CBFA2T2: variants seen among roughly 807,000 people sequenced by gnomAD.
CBFA2T2 encodes the protein CBFA2/RUNX1 partner transcriptional co-repressor 2.
Under a neutral mutation model 62.2 loss-of-function variants are expected in CBFA2T2, and 11 were observed. The observed-to-expected ratio is 0.18, with a 90% CI of 0.11 to 0.29. The LOEUF (loss-of-function observed/expected upper bound fraction) is 0.29, where lower values mean the gene tolerates loss of function less well. CBFA2T2 is among the 10% of genes least tolerant of loss of function. The pLI is 1.00. For synonymous variants in CBFA2T2, 295 were observed against 287.5 expected, an observed-to-expected ratio of 1.03 and a Z score of -0.27; for missense variants, 592 against 774.1, an observed-to-expected ratio of 0.76 and a Z score of 2.79.
chr20:33,579,171 T>C (rs2013990476), intron 1 of CBFA2T2, among the ~76,000 whole-genome samples: 1 of 151,228 alleles, frequency 6.6e-6, no homozygotes. Flanking sequence ...TGGAGTGCTG[T>C]GATTACAGAC....
chr20:33,553,990 T>C (rs1243937365), intron 1 of CBFA2T2, among the ~76,000 whole-genome samples: 1 of 152,074 alleles, frequency 6.6e-6, no homozygotes, highest in Non-Finnish European at 1.5e-5. Context: ...ACATGATTCT[T>C]GATATTGATG....
At position 33,548,807 on chromosome 20, in the gene CBFA2T2, A is replaced by G. The variant is rs139683379; in HGVS notation, c.35-58149A>G. On this transcript the variant is annotated intron_variant, in intron 1 of 10. Coordinates refer to ENST00000342704, the MANE Select transcript of CBFA2T2 (RefSeq NM_001032999.3). ...CCTGTGTCTACCCTTCCCCCGAAAAAAAGCCAGACATGGTGGCATTCTTCT... is the reference window on the plus strand; with the variant it reads ...CCTGTGTCTACCCTTCCCCCGAAAAGAAGCCAGACATGGTGGCATTCTTCT... Among the ~76,000 whole-genome samples, 639 of 152,180 alleles carry G rather than the reference A, an allele frequency of 4.2e-3. 4 individuals are homozygous for G. The highest frequency in any genetic ancestry group is 0.014 in the African/African-American group (593 of 41,512).
Position 33,524,141 on chromosome 20 carries a change from T to TATG in CBFA2T2, c.34+33842_34+33843insGAT, listed in dbSNP as rs553819243. Among the ~76,000 whole-genome samples the TATG allele has an allele frequency of 4.0e-5, 6 of 150,810 alleles. No homozygotes were observed. The East Asian group carries it at 7.7e-4, about 19-fold the overall frequency. ...CAAAAATATGTACAGGTTTTAAAAT[T>TATG]ATTATTATTATTAAAAGAATTACCT... On this transcript the variant is annotated intron_variant, in intron 1 of 10. Coordinates refer to ENST00000342704, the MANE Select transcript of CBFA2T2 (RefSeq NM_001032999.3).
In CBFA2T2 at chr20:33,646,689, C is replaced by T. The variant is rs997558108; in HGVS notation, c.*2043C>T. On this transcript the variant is annotated 3_prime_UTR_variant, in exon 11 of 11. Transcript: ENST00000342704. ...TGGCCAACATGGTGAAACCCTGTCT[C>T]TAATAAAAAAAAAATAGAAAAATCA... is the stretch of plus-strand genomic sequence containing the variant. 4 of 151,144 alleles carry T rather than the reference C, an allele frequency of 2.6e-5. No homozygotes were observed. Among genetic ancestry groups the T allele is most frequent in the African/African-American group, 9.8e-5 (4 of 40,996 alleles). 9.4% of individuals were successfully genotyped at this position (151,144 alleles called of 1,614,324 possible). A position where few individuals can be genotyped will look rare whatever the true frequency, so the allele number is the denominator to read the frequency against.
chr20:33,544,558 A>AT (rs2012483922), intron 1 of CBFA2T2, among the ~76,000 whole-genome samples: 1 of 151,328 alleles, frequency 6.6e-6, no homozygotes, highest in Admixed American at 6.6e-5. Context: ...TTTGTTTTTT[A>AT]TTTTTTTGAG....
intron 1 of CBFA2T2, among the ~76,000 whole-genome samples, chr20:33,597,706 C>T (rs890428534): frequency 7.9e-5 from 12 of 152,192 alleles, no homozygotes; most frequent in East Asian, 1.9e-4. Flanking sequence ...TGCAATGGCA[C>T]GATCTCAGCT....
At chr20:33,519,514 G>A (rs2011672591) in intron 1 of CBFA2T2, among the ~76,000 whole-genome samples, 2 of 152,206 alleles carry the variant, frequency 1.3e-5, no homozygotes, top group South Asian at 4.1e-4. Context: ...AGAGGTATGG[G>A]TAGGTTATAT....
intron 1 of CBFA2T2, among the ~76,000 whole-genome samples, chr20:33,512,243 C>T (rs1413919586): frequency 4.0e-5 from 6 of 151,662 alleles, no homozygotes; most frequent in East Asian, 1.9e-4. Context: ...CCCAGCCTCT[C>T]GGGAGGCTGA....
intron 1 of CBFA2T2, among the ~76,000 whole-genome samples, chr20:33,557,151 A>G (rs1005774476): frequency 2.0e-5 from 3 of 150,990 alleles, no homozygotes. Flanking sequence ...AGTAGCTTGG[A>G]TTACAGGTGC....
intron 1 of CBFA2T2, among the ~76,000 whole-genome samples, chr20:33,557,832 CTTTTT>C (rs60733174): frequency 4.8e-5 from 7 of 145,442 alleles, no homozygotes; most frequent in African/African-American, 1.5e-4. Context: ...ATTTCTCTCT[CTTTTT>C]TTTTTTTTCT....
chr20:33,540,651 C>T (rs924264960), intron 1 of CBFA2T2, among the ~76,000 whole-genome samples: 5 of 152,082 alleles, frequency 3.3e-5, no homozygotes, highest in Admixed American at 3.3e-4. Context: ...ATTTATTGGG[C>T]TAGTTAGCAT....
intron 1 of CBFA2T2, among the ~76,000 whole-genome samples, chr20:33,500,204 C>G (rs971507363): frequency 6.6e-6 from 1 of 152,044 alleles, no homozygotes; most frequent in African/African-American, 2.4e-5. Context: ...ATCTGCCCGC[C>G]TCTGCCTCCC....
intron 1 of CBFA2T2, among the ~76,000 whole-genome samples, chr20:33,576,911 T>C (rs1009790333): frequency 6.6e-6 from 1 of 152,248 alleles, no homozygotes; most frequent in African/African-American, 2.4e-5. Flanking sequence ...GTCTATGAGA[T>C]CTTATAGCTG....
intron 1 of CBFA2T2, among the ~76,000 whole-genome samples, chr20:33,559,485 TTTG>T (rs533489535): frequency 7.2e-4 from 109 of 151,750 alleles, no homozygotes; most frequent in Non-Finnish European, 1.1e-3. Context: ...AATTGTGATT[TTTG>T]TTGTTGTTGT....
intron 1 of CBFA2T2, among the ~76,000 whole-genome samples, chr20:33,551,818 C>T (rs944467611): frequency 6.6e-6 from 1 of 152,208 alleles, no homozygotes; most frequent in Non-Finnish European, 1.5e-5. Context: ...AGGTGTGAGT[C>T]ACTTCTCCTG....
chr20:33,503,238 A>ATTTCTTTC (rs201910282), intron 1 of CBFA2T2, among the ~76,000 whole-genome samples: 1 of 134,472 alleles, frequency 7.4e-6, no homozygotes, highest in Non-Finnish European at 1.6e-5. Context: ...ATGTATCTAA[A>ATTTCTTTC]TTTCTTTCTT....
intron 1 of CBFA2T2, among the ~76,000 whole-genome samples, chr20:33,526,993 A>G (rs1349610767): frequency 6.6e-6 from 1 of 152,190 alleles, no homozygotes; most frequent in Non-Finnish European, 1.5e-5. Context: ...TGATCATTCC[A>G]GTGTTTCCTA....
rs1242463902 is a variant in CBFA2T2 at position 33,645,009 on chromosome 20, AGGCGGCAGGC to A, written c.*367_*376del. 1 of 199,884 alleles carries A rather than the reference AGGCGGCAGGC, an allele frequency of 5.0e-6. No individual in the cohort carries two copies. Among genetic ancestry groups the A allele is most frequent in the Non-Finnish European group, 1.0e-5 (1 of 99,136 alleles). The allele number at this position is 199,884 out of a possible 1,614,324, so 12.4% of individuals were successfully genotyped here. On this transcript the variant is annotated 3_prime_UTR_variant, in exon 11 of 11. Coordinates refer to ENST00000342704, the MANE Select transcript of CBFA2T2 (RefSeq NM_001032999.3). ...TGTCCAATGTGCTCAGCCAGGCTGG[AGGCGGCAGGC>A]GGCAGGCAGCAGGCTGTGGAGGAGG...
chr20:33,556,076 C>T lies in CBFA2T2; in HGVS notation c.35-50880C>T, dbSNP rs1004086914. On this transcript the variant is annotated intron_variant, in intron 1 of 10. Coordinates refer to ENST00000342704, the MANE Select transcript of CBFA2T2 (RefSeq NM_001032999.3). Reference sequence around the variant, plus strand: ...GAGATGGAGTCTCACTACGTTGCTCCGGCTGGTCTCGAACTCCTTACCTTA... The same window carrying T: ...GAGATGGAGTCTCACTACGTTGCTCTGGCTGGTCTCGAACTCCTTACCTTA... Among the ~76,000 whole-genome samples, 7 of 152,102 alleles carry T rather than the reference C, an allele frequency of 4.6e-5. No individual in the cohort carries two copies. In the East Asian group the frequency reaches 9.6e-4, roughly 21 times the overall value.
Sources: gnomAD v4.1 joint callset for allele counts (sites outside exome capture counted in the v4.1 genomes callset) on GRCh38, gnomAD v4.1.1 for gene constraint, MANE v1.5 for transcripts, NCBI Gene and HGNC (gene_info 2026-07-23, HGNC 2026-07-21) for gene names.